BAZ1A: variants seen among roughly 807,000 people sequenced by gnomAD.
BAZ1A encodes bromodomain adjacent to zinc finger domain 1A, also known as bromodomain adjacent to zinc finger domain protein 1A.
BAZ1A carries 50 observed loss-of-function variants against 185.2 expected under a neutral mutation model. The observed-to-expected ratio is 0.27, with a 90% CI of 0.22 to 0.34. BAZ1A has a LOEUF of 0.34. BAZ1A is among the 10% of genes least tolerant of loss of function. The pLI is 1.00. For missense variants in BAZ1A, 1,356 were observed against 1,839.9 expected (o/e 0.74, Z 4.81); for synonymous variants, 571 against 615.6 (o/e 0.93, Z 1.07).
chr14:34,856,136 TAA>T (rs1490599991), intron 3 of BAZ1A, among the ~76,000 whole-genome samples: 4 of 152,182 alleles, frequency 2.6e-5, no homozygotes, highest in African/African-American at 9.7e-5. Flanking sequence ...TGGCAAAGGT[TAA>T]AAGACTTATT....
intron 3 of BAZ1A, among the ~76,000 whole-genome samples, chr14:34,850,072 T>A (rs2138785978): frequency 6.6e-6 from 1 of 151,904 alleles, no homozygotes; most frequent in East Asian, 1.9e-4. Context: ...ACATAAGCTA[T>A]CCCTGTGACC....
chr14:34,851,604 C>T (rs758318637), intron 3 of BAZ1A, among the ~76,000 whole-genome samples: 1 of 151,770 alleles, frequency 6.6e-6, no homozygotes, highest in African/African-American at 2.4e-5. Context: ...ATTTGAGTTC[C>T]AGTTCACCAT....
At chr14:34,790,417 G>A (rs1421280228) in intron 12 of BAZ1A, among the ~76,000 whole-genome samples, 1 of 152,144 alleles carries the variant, frequency 6.6e-6, no homozygotes, top group African/African-American at 2.4e-5. Flanking sequence ...GCAGTGTCGT[G>A]ATCTCGGATC....
At chr14:34,840,171 T>C (rs1411306041) in intron 3 of BAZ1A, among the ~76,000 whole-genome samples, 1 of 152,180 alleles carries the variant, frequency 6.6e-6, no homozygotes. Flanking sequence ...TAGATCTCAT[T>C]GAAGTATAGA....
intron 3 of BAZ1A, among the ~76,000 whole-genome samples, chr14:34,857,596 C>T (rs1306691918): frequency 6.6e-6 from 1 of 152,162 alleles, no homozygotes; most frequent in Non-Finnish European, 1.5e-5. Context: ...CGTGTTAGTT[C>T]TCCACCCAAA....
In BAZ1A at chr14:34,752,994, G is replaced by A. The variant is rs984608006; in HGVS notation, c.*514C>T. On this transcript the variant is annotated 3_prime_UTR_variant, in exon 27 of 27. Transcript: ENST00000360310. ...AAATAAATATCTAGTTAATAAACTTGGACTTAATACCTGCAGCCAGCACTG... is the reference window on the plus strand; with the variant it reads ...AAATAAATATCTAGTTAATAAACTTAGACTTAATACCTGCAGCCAGCACTG... The A allele has an allele frequency of 6.6e-6, 1 of 152,550 alleles. No homozygotes were observed. The highest frequency in any genetic ancestry group is 2.4e-5 in the African/African-American group (1 of 41,408). The allele number at this position is 152,550 out of a possible 1,614,324, so 9.4% of individuals were successfully genotyped here. A position where few individuals can be genotyped will look rare whatever the true frequency, so the allele number is the denominator to read the frequency against.
intron 25 of BAZ1A, among the ~76,000 whole-genome samples, chr14:34,756,953 G>A (rs1260525963): frequency 6.6e-6 from 1 of 152,160 alleles, no homozygotes; most frequent in East Asian, 1.9e-4. Context: ...GCGGTAGTTT[G>A]AGAACCACTG....
intron 9 of BAZ1A, among the ~76,000 whole-genome samples, chr14:34,799,988 T>G (rs557586901): frequency 1.1e-4 from 16 of 152,288 alleles, no homozygotes; most frequent in African/African-American, 3.6e-4. Context: ...TTCCCTAAAT[T>G]TGGAAATCTA....
rs762873715 is a variant in BAZ1A at position 34,765,094 on chromosome 14, T to C, written c.3476A>G (p.Asp1159Gly). Reference protein sequence around the residue: ...ARCKICRKKGDAENMVLCDGC... With the variant: ...ARCKICRKKGGAENMVLCDGC... The stretch of plus-strand genomic sequence containing the variant: ...ATCACAAAGAACCATGTTTTCAGCA[T>C]CGCCTTTCTTTCGACATATCTTGCA... The change falls in exon 22 of 27, where the codon GAT becomes GGT. Residue 1159 changes from aspartate to glycine, a missense_variant. Transcript: ENST00000360310. 25 of 1,614,074 alleles carry C rather than the reference T, an allele frequency of 1.5e-5. No individual in the cohort carries two copies. The South Asian group carries it at 2.6e-4, about 17-fold the overall frequency.
At chr14:34,851,081 C>G (rs1045346841) in intron 3 of BAZ1A, among the ~76,000 whole-genome samples, 5 of 151,674 alleles carry the variant, frequency 3.3e-5, no homozygotes, top group South Asian at 2.1e-4. Flanking sequence ...CCTGTAAATC[C>G]CAGCACCCTG....
At chr14:34,873,764 A>T (rs1013681811) in intron 2 of BAZ1A, among the ~76,000 whole-genome samples, 15 of 47,484 alleles carry the variant, frequency 3.2e-4, no homozygotes, top group Admixed American at 6.2e-4. Flanking sequence ...GGAGACGCTG[A>T]GTTCCCCGGA....
At chr14:34,794,927 A>G in intron 10 of BAZ1A, 40 bp from the exon 11 acceptor site, 1 of 1,593,810 alleles carries the variant, frequency 6.3e-7, no homozygotes, top group Non-Finnish European at 8.5e-7. Context: ...TTGAACCAAG[A>G]GCAGGAAAAC....
intron 4 of BAZ1A, among the ~76,000 whole-genome samples, chr14:34,814,084 A>G (rs1224728265): frequency 1.3e-5 from 2 of 151,808 alleles, no homozygotes; most frequent in African/African-American, 4.8e-5. Flanking sequence ...AATAAAGACA[A>G]GGAAAAACAA....
Position 34,874,631 on chromosome 14 carries a change from G to C in BAZ1A, c.-27C>G. On this transcript the variant is annotated 5_prime_UTR_variant, in exon 2 of 27. Transcript: ENST00000360310. The surrounding 1 kb of genome is among the most constrained non-coding windows in gnomAD (Gnocchi z 4.7). ...TCCCGTCCGCCCGCGGGCTCGCCTGGACCCTCGGCCGCCCGCGCCGGCCCC... is the reference window on the plus strand; with the variant it reads ...TCCCGTCCGCCCGCGGGCTCGCCTGCACCCTCGGCCGCCCGCGCCGGCCCC... The C allele has an allele frequency of 6.4e-7, 1 of 1,565,708 alleles. No individual in the cohort carries two copies. Among genetic ancestry groups the C allele is most frequent in the Non-Finnish European group, 8.7e-7 (1 of 1,150,280 alleles).
intron 2 of BAZ1A, among the ~76,000 whole-genome samples, chr14:34,872,467 C>A (rs2138848016): frequency 6.8e-6 from 1 of 146,194 alleles, no homozygotes; most frequent in East Asian, 2.0e-4. Context: ...GTGGCATGCA[C>A]CTGCAATCCC....
rs773500177 is a variant in BAZ1A at position 34,836,378 on chromosome 14, C to CA, written c.393-10223dup. Among the ~76,000 whole-genome samples, 4 of 13,130 alleles carry CA rather than the reference C, an allele frequency of 3.0e-4. 1 individual carries two copies. The highest frequency in any genetic ancestry group is 0.016 in the East Asian group (2 of 128). The allele number at this position is 13,130 out of a possible 152,430, so 8.6% of individuals were successfully genotyped here. On this transcript the variant is annotated intron_variant, in intron 3 of 26. Transcript: ENST00000360310. Reference sequence around the variant, plus strand: ...TGGGCGACAGAGCGAGACTCCGTCTCAAAAAAAAAAAAAAAAAAAAAAAAA... The same window carrying CA: ...TGGGCGACAGAGCGAGACTCCGTCTCAAAAAAAAAAAAAAAAAAAAAAAAAA...
chr14:34,853,014 G>A (rs543710653), intron 3 of BAZ1A, among the ~76,000 whole-genome samples: 8 of 151,784 alleles, frequency 5.3e-5, no homozygotes, highest in South Asian at 4.2e-4. Context: ...CAGTGCAAGC[G>A]TACAGATGAT....
chr14:34,794,831 A>G lies in BAZ1A; in HGVS notation c.1281T>C (p.Asp427=). The change falls in exon 11 of 27, where the codon GAT becomes GAC. Residue 427 remains aspartate (D), a synonymous_variant. Coordinates refer to ENST00000360310, the MANE Select transcript of BAZ1A (RefSeq NM_013448.3). ...KTRLPPEIFG[D]ALMVLEFLNA... is the part of the protein sequence containing the mutation. ...TAAGGAACTCCAAAACCATCAGAGCATCACCAAAGATTTCAGGAGGTAGTC... is the reference window on the plus strand; with the variant it reads ...TAAGGAACTCCAAAACCATCAGAGCGTCACCAAAGATTTCAGGAGGTAGTC... 6.2e-7 allele frequency: 1 copy of G among 1,614,194 alleles called. No homozygotes were observed. The highest frequency in any genetic ancestry group is 2.2e-5 in the East Asian group (1 of 44,874).
At chr14:34,771,182 A>G in intron 21 of BAZ1A, 1 of 187,736 alleles carries the variant, frequency 5.3e-6, no homozygotes, top group South Asian at 1.2e-4. Flanking sequence ...TTAATTTTGT[A>G]GAGATGGGGT....
Sources: allele counts gnomAD v4.1 joint callset (sites outside exome capture counted in the v4.1 genomes callset), GRCh38; gene constraint gnomAD v4.1.1; non-coding constraint Gnocchi (gnomAD v3.1); transcripts MANE v1.5; gene names NCBI Gene and HGNC (gene_info 2026-07-23, HGNC 2026-07-21).